Variants in EGFR observed in about 807,000 individuals in gnomAD.
The protein encoded by EGFR is avian erythroblastic leukemia viral (v-erb-b) oncogene homolog.
Under a neutral mutation model 143.0 loss-of-function variants are expected in EGFR, and 58 were observed. The observed-to-expected ratio is 0.41, with a 90% confidence interval of 0.33 to 0.50. The LOEUF (loss-of-function observed/expected upper bound fraction) is 0.50, where lower values mean the gene tolerates loss of function less well. Ranked by LOEUF, EGFR falls within the 20% of genes least tolerant of loss-of-function variation. The pLI, the probability that EGFR is intolerant of heterozygous loss-of-function variation, is 0.39. For synonymous variants in EGFR, 613 were observed against 594.4 expected, an observed-to-expected ratio of 1.03 and a Z score of -0.45; for missense variants, 1,307 against 1,579.0, an observed-to-expected ratio of 0.83 and a Z score of 2.92.
intron 1 of EGFR, among the ~76,000 whole-genome samples, chr7:55,120,597 C>T (rs1458336126): frequency 6.6e-6 from 1 of 152,136 alleles, no homozygotes; most frequent in Non-Finnish European, 1.5e-5. Context: ...ATCCCCCTTC[C>T]TAGACTGTCA....
Position 55,160,133 on chromosome 7 carries a change from A to T in EGFR, c.1299-6A>T, listed in dbSNP as rs377160250. 6.2e-7 allele frequency: 1 copy of T among 1,614,056 alleles called. No individual in the cohort carries two copies. Among genetic ancestry groups the T allele is most frequent in the Non-Finnish European group, 8.5e-7 (1 of 1,179,984 alleles). On this transcript the variant is annotated splice_region_variant and splice_polypyrimidine_tract_variant and intron_variant, in intron 11 of 27. Coordinates refer to ENST00000275493, the MANE Select transcript of EGFR (RefSeq NM_005228.5). ...CACCACATGATTTTTCTTCTCTCCA[A>T]TGTAGTGGTCAGTTTTCTCTTGCAG...
chr7:55,115,925 A>G (rs754045866), intron 1 of EGFR, among the ~76,000 whole-genome samples: 1 of 152,218 alleles, frequency 6.6e-6, no homozygotes. Flanking sequence ...AGAGAGATGC[A>G]TGCCCACAGC....
intron 15 of EGFR, chr7:55,168,444 T>C (rs1280475907): frequency 8.2e-5 from 76 of 925,478 alleles, no homozygotes; most frequent in Admixed American, 1.7e-5. Context: ...TTGCCAAATA[T>C]AGAAAGAGGG....
intron 1 of EGFR, among the ~76,000 whole-genome samples, chr7:55,130,211 A>G (rs1793755784): frequency 6.6e-6 from 1 of 152,004 alleles, no homozygotes; most frequent in South Asian, 2.1e-4. Flanking sequence ...AGCACTCCCG[A>G]CTCACTCATT....
intron 1 of EGFR, among the ~76,000 whole-genome samples, chr7:55,116,698 G>A (rs1792870681): frequency 6.6e-6 from 1 of 152,198 alleles, no homozygotes; most frequent in African/African-American, 2.4e-5. Flanking sequence ...CCATCCTAAG[G>A]CCAGCACGAT....
Position 55,019,137 on chromosome 7 carries a change from C to T in EGFR, c.-141C>T. ...GAGCTAGCCCCGGCGGCCGCCGCCG[C>T]CCAGACCGGACGACAGGCCACCTCG... On this transcript the variant is annotated 5_prime_UTR_variant, in exon 1 of 28. Transcript: ENST00000275493. 1.6e-6 allele frequency: 1 copy of T among 615,642 alleles called. No individual in the cohort carries two copies. Among genetic ancestry groups the T allele is most frequent in the East Asian group, 4.1e-5 (1 of 24,166 alleles). The allele number at this position is 615,642 out of a possible 1,614,324, so 38.1% of individuals were successfully genotyped here.
At chr7:55,113,596 G>A (rs549595597) in intron 1 of EGFR, among the ~76,000 whole-genome samples, 113 of 152,134 alleles carry the variant, frequency 7.4e-4, no homozygotes, top group African/African-American at 1.4e-3. Context: ...ATAGAGGATC[G>A]ATAAGGAAAA....
chr7:55,195,616 C>T (rs1050258649), intron 22 of EGFR, among the ~76,000 whole-genome samples: 1 of 152,006 alleles, frequency 6.6e-6, no homozygotes, highest in African/African-American at 2.4e-5. Flanking sequence ...ATTTTATCAC[C>T]CAGGGATTAA....
chr7:55,133,755 T>G (rs1793983402), intron 1 of EGFR, among the ~76,000 whole-genome samples: 1 of 152,148 alleles, frequency 6.6e-6, no homozygotes, highest in Non-Finnish European at 1.5e-5. Flanking sequence ...TGCACTGCCC[T>G]TCTCTGGCAG....
At chr7:55,166,607 T>A (rs993724395) in intron 15 of EGFR, among the ~76,000 whole-genome samples, 8 of 140,124 alleles carry the variant, frequency 5.7e-5, no homozygotes, top group African/African-American at 2.0e-4. Flanking sequence ...GTGGTGTTGA[T>A]GGTGGTGATG....
At chr7:55,193,029 C>T (rs1056663877) in intron 22 of EGFR, among the ~76,000 whole-genome samples, 188 bp downstream of exon 22, 6 of 151,296 alleles carry the variant, frequency 4.0e-5, no homozygotes, top group Non-Finnish European at 7.4e-5. Flanking sequence ...GTCCAGCTGC[C>T]GTCCAAAAGT....
chr7:55,064,230 G>C (rs975516315), intron 1 of EGFR, among the ~76,000 whole-genome samples: 2 of 152,228 alleles, frequency 1.3e-5, no homozygotes, highest in African/African-American at 4.8e-5. Flanking sequence ...CACAGGTCAT[G>C]TTTGACTGTC....
rs886928006 is a variant in EGFR at position 55,210,977 on chromosome 7, G to T, written c.*5360G>T. The stretch of plus-strand genomic sequence containing the variant: ...GGCTTTCATAAAAACAAGAATTCAA[G>T]AAGAGGATTCATGCTTTAAGAAACA... On this transcript the variant is annotated 3_prime_UTR_variant, in exon 28 of 28. Transcript: ENST00000275493. The T allele has an allele frequency of 2.0e-5, 3 of 152,208 alleles. No homozygotes were observed. Among genetic ancestry groups the T allele is most frequent in the African/African-American group, 7.2e-5 (3 of 41,446 alleles). 9.4% of individuals were successfully genotyped at this position (152,208 alleles called of 1,614,324 possible).
intron 16 of EGFR, among the ~76,000 whole-genome samples, chr7:55,172,323 C>T (rs1786388966): frequency 6.6e-6 from 1 of 152,218 alleles, no homozygotes; most frequent in South Asian, 2.1e-4. Flanking sequence ...TTCTGGTTTC[C>T]TCTCTCTGGA....
intron 1 of EGFR, among the ~76,000 whole-genome samples, chr7:55,062,432 C>G (rs1054130855): frequency 3.3e-5 from 5 of 152,104 alleles, no homozygotes; most frequent in Non-Finnish European, 4.4e-5. Flanking sequence ...CCTTTCTTAA[C>G]CCTTTAATTA....
At chr7:55,132,156 A>C (rs747858155) in intron 1 of EGFR, among the ~76,000 whole-genome samples, 33 of 152,146 alleles carry the variant, frequency 2.2e-4, no homozygotes, top group Non-Finnish European at 4.7e-4. Flanking sequence ...GATTTTTTAA[A>C]AAACATGGGT....
chr7:55,149,761 T>C (rs1794938017), intron 4 of EGFR, among the ~76,000 whole-genome samples: 1 of 152,196 alleles, frequency 6.6e-6, no homozygotes, highest in Admixed American at 6.5e-5. Flanking sequence ...TTATTTATAA[T>C]AAATTTTGTG....
intron 1 of EGFR, among the ~76,000 whole-genome samples, chr7:55,089,637 G>T (rs1790980411): frequency 6.6e-6 from 1 of 152,136 alleles, no homozygotes; most frequent in Admixed American, 6.5e-5. Flanking sequence ...TTAAAAATTA[G>T]CCATAAATCT....
rs1791065560 is a variant in EGFR at position 55,090,839 on chromosome 7, G to A, written c.89-51447G>A. Among the ~76,000 whole-genome samples, 4 of 152,170 alleles carry A rather than the reference G, an allele frequency of 2.6e-5. No homozygotes were observed. In the South Asian group the frequency reaches 8.3e-4, roughly 32 times the overall value. ...TAAAAAGTGAAATACTCCTACTTGT[G>A]GAAGAAATCCTCATTTTAACCATGA... On this transcript the variant is annotated intron_variant, in intron 1 of 27. Transcript: ENST00000275493.
Sources: allele counts gnomAD v4.1 joint callset (sites outside exome capture counted in the v4.1 genomes callset), GRCh38; gene constraint gnomAD v4.1.1; transcripts MANE v1.5; gene names NCBI Gene and HGNC (gene_info 2026-07-23, HGNC 2026-07-21).